Variants in MXRA7 observed in about 807,000 individuals in gnomAD.
The protein encoded by MXRA7 is matrix remodeling associated 7.
MXRA7 carries 18 observed loss-of-function variants against 17.4 expected under a neutral mutation model. The observed-to-expected ratio is 1.03, with a 90% CI of 0.71 to 1.53. MXRA7 has a LOEUF of 1.53. Ranked by LOEUF, MXRA7 falls within the 40% of genes most tolerant of loss-of-function variation. The pLI, the probability that MXRA7 is intolerant of heterozygous loss-of-function variation, is 0.00. For synonymous variants in MXRA7, 70 were observed against 101.7 expected (o/e 0.69, Z 1.87); for missense variants, 141 against 209.3 (o/e 0.67, Z 2.01).
downstream of MXRA7, chr17:76,677,526 G>C: frequency 8.6e-7 from 1 of 1,166,418 alleles, no homozygotes; most frequent in East Asian, 2.3e-5. Context: ...GAAAGAACAA[G>C]GGCATGGGGC....
chr17:76,677,799 CTCTT>C, downstream of MXRA7: 3 of 789,074 alleles, frequency 3.8e-6, no homozygotes, highest in South Asian at 4.4e-5. Flanking sequence ...ACTCTCCTCT[CTCTT>C]GTGTGACTGC....
At chr17:76,676,131 C>T (rs2076239380), downstream of MXRA7, 1 of 152,196 alleles carries the variant, frequency 6.6e-6, no homozygotes, top group South Asian at 2.1e-4. Context: ...GAACAATCCC[C>T]TCCGGTGTCA....
At chr17:76,706,902 T>C (rs1156826897) in intron 1 of MXRA7, among the ~76,000 whole-genome samples, 1 of 152,242 alleles carries the variant, frequency 6.6e-6, no homozygotes, top group Non-Finnish European at 1.5e-5. Flanking sequence ...GTTAACATTT[T>C]GCCATCTTTG....
At chr17:76,684,616 C>T in intron 3 of MXRA7, 1 of 393,972 alleles carries the variant, frequency 2.5e-6, no homozygotes, top group Non-Finnish European at 5.0e-6. Context: ...CAAGGCGCTG[C>T]TGCAGGCGCC....
intron 1 of MXRA7, among the ~76,000 whole-genome samples, chr17:76,691,668 T>C (rs988774799): frequency 6.6e-6 from 1 of 152,056 alleles, no homozygotes; most frequent in African/African-American, 2.4e-5. Flanking sequence ...GGCTGCATAT[T>C]TGGTATCAGA....
chr17:76,675,989 C>T (rs1310287815), downstream of MXRA7: 3 of 152,192 alleles, frequency 2.0e-5, no homozygotes, highest in African/African-American at 2.4e-5. Context: ...TAGGTTCTGT[C>T]GTTAGCATAC....
chr17:76,679,044 T>C (rs2076264467), downstream of MXRA7, among the ~76,000 whole-genome samples: 1 of 152,128 alleles, frequency 6.6e-6, no homozygotes, highest in African/African-American at 2.4e-5. Flanking sequence ...CCTGTAATCC[T>C]AGAACTTTAG....
rs994854079 is a variant in MXRA7, at chr17:76,688,117, C to T, written c.402G>A (p.Glu134=). The T allele has an allele frequency of 1.9e-6, 3 of 1,613,736 alleles. No individual in the cohort carries two copies. Among genetic ancestry groups the T allele is most frequent in the African/African-American group, 2.7e-5 (2 of 75,032 alleles). Residue 134 remains glutamate (E), a synonymous_variant, in exon 2 of 4, where the codon GAG becomes GAA. Transcript: ENST00000449428. ...KGPSSEGPEE[E]DGEGFSFKYS... is the part of the protein sequence containing the mutation. ...GAGCGCAGAGGTCCCACTCACCGTC[C>T]TCCTCCTCAGGCCCTTCCGATGATG...
chr17:76,702,241 T>C (rs1003718341), intron 1 of MXRA7, among the ~76,000 whole-genome samples: 3 of 152,168 alleles, frequency 2.0e-5, no homozygotes, highest in African/African-American at 7.2e-5. Flanking sequence ...GCACAGCAAT[T>C]CACATCTGTA....
At chr17:76,674,279 A>G (rs761020363) in exon 4 of MXRA7, 1 of 150,712 alleles carries the variant, frequency 6.6e-6, no homozygotes, top group East Asian at 2.0e-4. Flanking sequence ...TTTCTCCCAC[A>G]CTGCTGTTTC....
At chr17:76,689,123 CTTG>C (rs1192328607) in intron 1 of MXRA7, 1 of 152,444 alleles carries the variant, frequency 6.6e-6, no homozygotes. Flanking sequence ...AGTTTTGGCT[CTTG>C]TTGCCCAGGC....
At chr17:76,705,585 A>T (rs957812813) in intron 1 of MXRA7, among the ~76,000 whole-genome samples, 7 of 152,072 alleles carry the variant, frequency 4.6e-5, no homozygotes, top group African/African-American at 1.7e-4. Flanking sequence ...TGGTATCTGG[A>T]GGTGGGGGTC....
Position 76,710,901 on chromosome 17 carries a change from TG to T in MXRA7, c.45del (p.Thr16ProfsTer133). 1.0e-6 allele frequency: 1 copy of T among 999,802 alleles called. No individual in the cohort carries two copies. Among genetic ancestry groups the T allele is most frequent in the South Asian group, 4.2e-5 (1 of 23,878 alleles). 61.9% of individuals were successfully genotyped at this position (999,802 alleles called of 1,614,324 possible). A position where few individuals can be genotyped will look rare whatever the true frequency, so the allele number is the denominator to read the frequency against. On this transcript the variant is annotated frameshift_variant, in exon 1 of 4. Coordinates refer to ENST00000449428, the MANE Select transcript of MXRA7 (RefSeq NM_198530.4). LOFTEE classifies it high-confidence loss of function. ...AELLAALPAL[A>X]TALALLLAWL... ...CAGGCGAGCAGAAGGGCCAGCGCGG[TG>T]GCCAGCGCAGGCAGCGCGGCCAGTA...
At chr17:76,676,911 CAAAAA>C (rs1055289626), downstream of MXRA7, 1 of 151,912 alleles carries the variant, frequency 6.6e-6, no homozygotes, top group Non-Finnish European at 1.5e-5. Context: ...GTCTCAAAAA[CAAAAA>C]CAAAACAAAA....
chr17:76,695,379 C>T (rs2076523234), intron 1 of MXRA7, among the ~76,000 whole-genome samples: 2 of 41,096 alleles, frequency 4.9e-5, no homozygotes, highest in Admixed American at 2.3e-4. Context: ...TGTGTGTGTG[C>T]AACGGGATGG....
At chr17:76,682,378 G>A (rs1010432331) in intron 3 of MXRA7, among the ~76,000 whole-genome samples, 4 of 152,142 alleles carry the variant, frequency 2.6e-5, no homozygotes, top group African/African-American at 9.7e-5. Flanking sequence ...CCTGACAGGC[G>A]GAGAGAGAGC....
chr17:76,710,082 ACGCCACAG>A (rs1280470847), intron 1 of MXRA7: 1 of 152,104 alleles, frequency 6.6e-6, no homozygotes, highest in Admixed American at 6.6e-5. Context: ...GCTTCACAAA[ACGCCACAG>A]CACTGACTCT....
chr17:76,675,360 G>A (rs969638467), downstream of MXRA7: 2 of 151,902 alleles, frequency 1.3e-5, no homozygotes, highest in Non-Finnish European at 2.9e-5. Context: ...GAGGTAAGGG[G>A]TCCCTAAGAC....
rs776480689 is a variant in MXRA7, at chr17:76,702,873, G to GTA, written c.342+7730_342+7731dup. Among the ~76,000 whole-genome samples, 443 of 141,774 alleles carry GTA rather than the reference G, an allele frequency of 3.1e-3. 9 individuals are homozygous for GTA. Among genetic ancestry groups the GTA allele is most frequent in the East Asian group, 6.8e-3 (28 of 4,116 alleles). 93.0% of individuals were successfully genotyped at this position (141,774 alleles called of 152,430 possible). The stretch of plus-strand genomic sequence containing the variant: ...TCTTAAAATAAATATATATATATAC[G>GTA]TATATATATATATATATCTTGAGGA... On this transcript the variant is annotated intron_variant, in intron 1 of 3. Transcript: ENST00000449428.
Sources: allele counts gnomAD v4.1 joint callset (sites outside exome capture counted in the v4.1 genomes callset), GRCh38; gene constraint gnomAD v4.1.1; transcripts MANE v1.5; gene names NCBI Gene and HGNC (gene_info 2026-07-23, HGNC 2026-07-21).